Variants in ROBO1 observed in about 807,000 individuals in gnomAD.
ROBO1 encodes the protein roundabout guidance receptor 1.
A neutral mutation model predicts 195.9 loss-of-function variants in ROBO1; 149 were observed. That is an observed-to-expected ratio of 0.76 (90% CI 0.67 to 0.87). The LOEUF (loss-of-function observed/expected upper bound fraction) is 0.87. Among genes scored for constraint, ROBO1 ranks in the 40% least tolerant of loss-of-function variants. ROBO1 has a pLI of 0.00. For synonymous variants in ROBO1, 816 were observed against 733.2 expected (o/e 1.11, Z -1.82); for missense variants, 1,933 against 2,068.3 (o/e 0.93, Z 1.27).
Position 78,887,585 on chromosome 3 carries a change from A to G in ROBO1, c.499+51016T>C, listed in dbSNP as rs565326829. On this transcript the variant is annotated intron_variant, in intron 4 of 30. Coordinates refer to ENST00000464233, the MANE Select transcript of ROBO1 (RefSeq NM_002941.4). ...AGAGTTATAGAGATATTTAAGTCCA[A>G]GGATACTTAGTAGCATCTGTAAGTA... 2.6e-5 allele frequency among the ~76,000 whole-genome samples: 4 copies of G among 152,330 alleles called. No individual in the cohort carries two copies. In the East Asian group the frequency reaches 7.7e-4, roughly 29 times the overall value.
chr3:79,089,062 ACTTAGTTT>A (rs1166834006), intron 3 of ROBO1, among the ~76,000 whole-genome samples: 2 of 152,086 alleles, frequency 1.3e-5, no homozygotes, highest in Non-Finnish European at 2.9e-5. Flanking sequence ...TTTTTAACAT[ACTTAGTTT>A]CTTTCATAAA....
chr3:79,521,471 G>C lies in ROBO1; in HGVS notation c.88+68353C>G, dbSNP rs572866674. 9.8e-4 allele frequency among the ~76,000 whole-genome samples: 149 copies of C among 152,098 alleles called. 1 individual carries two copies. Among genetic ancestry groups the C allele is most frequent in the Admixed American group, 5.4e-3 (82 of 15,258 alleles). On this transcript the variant is annotated intron_variant, in intron 2 of 30. Coordinates refer to ENST00000464233, the MANE Select transcript of ROBO1 (RefSeq NM_002941.4). ...TCGTGCGCCCCTTCAAAAATCACTG[G>C]TTACTTCCGACATCGATCTAATTCA...
At chr3:79,567,678 C>T (rs934247255) in intron 2 of ROBO1, among the ~76,000 whole-genome samples, 3 of 152,070 alleles carry the variant, frequency 2.0e-5, no homozygotes, top group Admixed American at 2.0e-4. Flanking sequence ...ATATGATATT[C>T]CCTTTAAATA....
At chr3:79,033,812 T>C (rs1265991699) in intron 3 of ROBO1, among the ~76,000 whole-genome samples, 1 of 152,216 alleles carries the variant, frequency 6.6e-6, no homozygotes, top group Admixed American at 6.5e-5. Flanking sequence ...ATTAAAATAC[T>C]CTGGTCTTCA....
At chr3:79,316,164 C>A (rs1444422039) in intron 2 of ROBO1, among the ~76,000 whole-genome samples, 1 of 152,042 alleles carries the variant, frequency 6.6e-6, no homozygotes, top group East Asian at 1.9e-4. Context: ...GATGAGACAA[C>A]CTAGCAATAA....
intron 2 of ROBO1, among the ~76,000 whole-genome samples, chr3:79,492,401 G>A (rs1431066367): frequency 1.4e-5 from 2 of 143,514 alleles, no homozygotes; most frequent in Non-Finnish European, 3.0e-5. Context: ...CTCCAGCCTG[G>A]GCAATAAGAG....
chr3:78,696,568 T>C (rs2081294427), intron 8 of ROBO1, among the ~76,000 whole-genome samples: 1 of 151,520 alleles, frequency 6.6e-6, no homozygotes, highest in African/African-American at 2.4e-5. Flanking sequence ...ACATTTGATT[T>C]TACATTTAAA....
At chr3:78,709,790 A>G (rs192574369) in intron 8 of ROBO1, among the ~76,000 whole-genome samples, 6 of 152,318 alleles carry the variant, frequency 3.9e-5, no homozygotes, top group Non-Finnish European at 7.3e-5. Context: ...TACAGAGAGA[A>G]ACAGAGGCAC....
chr3:78,613,576 A>G (rs1045151064), intron 28 of ROBO1, among the ~76,000 whole-genome samples: 7 of 152,192 alleles, frequency 4.6e-5, no homozygotes, highest in African/African-American at 1.7e-4. Flanking sequence ...AATGTAGTCT[A>G]ATATCAGATA....
chr3:79,560,179 T>C (rs1236267109), intron 2 of ROBO1, among the ~76,000 whole-genome samples: 1 of 151,630 alleles, frequency 6.6e-6, no homozygotes, highest in Admixed American at 6.6e-5. Flanking sequence ...ACAACACATA[T>C]ACACCATGGA....
At chr3:78,718,896 G>A (rs1159945077) in intron 5 of ROBO1, among the ~76,000 whole-genome samples, 1 of 134,062 alleles carries the variant, frequency 7.5e-6, no homozygotes, top group Non-Finnish European at 1.7e-5. Flanking sequence ...AGGAGGGAGG[G>A]AAGAAGGGAG....
chr3:79,245,631 C>A (rs747275589), intron 2 of ROBO1, among the ~76,000 whole-genome samples: 27 of 151,930 alleles, frequency 1.8e-4, no homozygotes, highest in Middle Eastern at 3.4e-3. Context: ...ACCCCCACCC[C>A]ACCCCTCAAA....
rs17016854 is a variant in ROBO1 at position 79,259,057 on chromosome 3, C to G, written c.89-133518G>C. On this transcript the variant is annotated intron_variant, in intron 2 of 30. Coordinates refer to ENST00000464233, the MANE Select transcript of ROBO1 (RefSeq NM_002941.4). The stretch of plus-strand genomic sequence containing the variant: ...ACCCTAAACTTTAATATTCAAAGGA[C>G]AATTTGCTCTAAAATTTCCTACTTT... Among the ~76,000 whole-genome samples, 1,298 of 152,068 alleles carry G rather than the reference C, an allele frequency of 8.5e-3. 25 individuals are homozygous for G. Among genetic ancestry groups the G allele is most frequent in the African/African-American group, 0.03 (1,253 of 41,448 alleles).
At chr3:78,645,631 G>T (rs114123096) in intron 21 of ROBO1, among the ~76,000 whole-genome samples, 182 of 152,088 alleles carry the variant, frequency 1.2e-3, no homozygotes, top group African/African-American at 4.1e-3. Context: ...ATTTCAATTA[G>T]AGGAGGGAAA....
intron 26 of ROBO1, 73 bp downstream of exon 26, chr3:78,627,248 T>C: frequency 6.7e-7 from 1 of 1,493,240 alleles, no homozygotes; most frequent in Non-Finnish European, 9.1e-7. Flanking sequence ...CTTCGTGGGA[T>C]AGCATTTGGT....
At chr3:79,340,194 C>A (rs1485573915) in intron 2 of ROBO1, among the ~76,000 whole-genome samples, 2 of 152,162 alleles carry the variant, frequency 1.3e-5, no homozygotes, top group Non-Finnish European at 2.9e-5. Flanking sequence ...CTCTCTTGAA[C>A]CTGGATGTAC....
At chr3:79,208,959 G>A (rs1239734288) in intron 2 of ROBO1, among the ~76,000 whole-genome samples, 1 of 151,992 alleles carries the variant, frequency 6.6e-6, no homozygotes, top group Non-Finnish European at 1.5e-5. Flanking sequence ...GGAAGAGATG[G>A]GCTTCAAATT....
intron 21 of ROBO1, 28 bp downstream of exon 21, chr3:78,646,120 G>C (rs775083024): frequency 3.1e-6 from 5 of 1,591,076 alleles, no homozygotes; most frequent in Non-Finnish European, 4.3e-6. Context: ...ATTCCCTGTA[G>C]GATCTACAAA....
At chr3:78,731,080 CAAAAT>C (rs970724292) in intron 5 of ROBO1, among the ~76,000 whole-genome samples, 5 of 151,688 alleles carry the variant, frequency 3.3e-5, no homozygotes, top group African/African-American at 1.2e-4. Flanking sequence ...TTGGTGAAAA[CAAAAT>C]AAAAGAGAAA....
Sources: gnomAD v4.1 joint callset for allele counts (sites outside exome capture counted in the v4.1 genomes callset) on GRCh38, gnomAD v4.1.1 for gene constraint, MANE v1.5 for transcripts, NCBI Gene and HGNC (gene_info 2026-07-23, HGNC 2026-07-21) for gene names.